PCP4: variants seen among roughly 807,000 people sequenced by gnomAD.
PCP4 encodes calmodulin regulator protein PCP4.
In PCP4, 8 loss-of-function variants were observed where a neutral mutation model predicts 10.0. That is an observed-to-expected ratio of 0.80 (90% confidence interval 0.47 to 1.45). The LOEUF (loss-of-function observed/expected upper bound fraction) is 1.45. Among genes scored for constraint, PCP4 ranks in the 40% most tolerant of loss-of-function variants. The pLI, the probability that PCP4 is intolerant of heterozygous loss-of-function variation, is 0.00. For missense variants in PCP4, 54 were observed against 74.4 expected (o/e 0.73, Z 1.01); for synonymous variants, 21 against 23.0 (o/e 0.91, Z 0.24).
intron 2 of PCP4, among the ~76,000 whole-genome samples, chr21:39,914,501 A>T (rs917272233): frequency 1.3e-5 from 2 of 149,028 alleles, no homozygotes; most frequent in Non-Finnish European, 3.0e-5. Flanking sequence ...GAATCTCTTG[A>T]ACCCAGGAGG....
At chr21:39,922,182 C>A (rs1220728999) in intron 2 of PCP4, among the ~76,000 whole-genome samples, 4 of 152,182 alleles carry the variant, frequency 2.6e-5, no homozygotes, top group Non-Finnish European at 5.9e-5. Flanking sequence ...TTGGGACTGT[C>A]TTCAACTGGT....
At chr21:39,905,124 A>G (rs2244084) in intron 2 of PCP4, among the ~76,000 whole-genome samples, 36,205 of 152,104 alleles carry the variant, frequency 0.24, 5,107 homozygotes, top group African/African-American at 0.39. Context: ...GAGAGATAGC[A>G]AGTGCTGCTG....
rs1467987115 is a variant in PCP4 at position 39,906,440 on chromosome 21, C to A, written c.61+7913C>A. On this transcript the variant is annotated intron_variant, in intron 2 of 2. Coordinates refer to ENST00000328619, the MANE Select transcript of PCP4 (RefSeq NM_006198.3). The surrounding 1 kb of genome is among the most constrained non-coding windows in gnomAD (Gnocchi z 6.3). ...GATCTCAGACTAATAATAGGGACAG[C>A]CATGATAGTTTTCAAAATTAAAACA... 6.6e-6 allele frequency among the ~76,000 whole-genome samples: 1 copy of A among 152,306 alleles called. No individual in the cohort carries two copies. The highest frequency in any genetic ancestry group is 3.4e-3 in the Middle Eastern group (1 of 294).
chr21:39,889,155 C>G (rs941817873), intron 1 of PCP4, among the ~76,000 whole-genome samples: 4 of 152,156 alleles, frequency 2.6e-5, no homozygotes, highest in Non-Finnish European at 5.9e-5. Flanking sequence ...TGAGGATGCT[C>G]TCTTTCTTTC....
At chr21:39,894,356 A>G (rs1161321807) in intron 1 of PCP4, among the ~76,000 whole-genome samples, 1 of 152,242 alleles carries the variant, frequency 6.6e-6, no homozygotes, top group African/African-American at 2.4e-5. Context: ...GATCCCTTGG[A>G]AAACATCAAA....
At chr21:39,920,752 A>G (rs1425173919) in intron 2 of PCP4, among the ~76,000 whole-genome samples, 3 of 152,180 alleles carry the variant, frequency 2.0e-5, no homozygotes, top group Non-Finnish European at 2.9e-5. Context: ...TTAATTTCCT[A>G]GGAATTTATG....
chr21:39,927,545 G>T (rs1245993333), intron 2 of PCP4, among the ~76,000 whole-genome samples: 1 of 140,206 alleles, frequency 7.1e-6, no homozygotes, highest in African/African-American at 2.6e-5. Flanking sequence ...AACTCAGGCT[G>T]CCTGGTGACA....
chr21:39,871,446 T>G (rs913113769), intron 1 of PCP4, among the ~76,000 whole-genome samples: 2 of 152,236 alleles, frequency 1.3e-5, no homozygotes, highest in African/African-American at 4.8e-5. Context: ...GCATAAAATG[T>G]GGGTTTTGCA....
At chr21:39,877,465 T>C (rs532849095) in intron 1 of PCP4, among the ~76,000 whole-genome samples, 53 of 151,766 alleles carry the variant, frequency 3.5e-4, no homozygotes, top group Middle Eastern at 3.4e-3. Context: ...GGTGGGAGGA[T>C]TGGTTAAGCC....
chr21:39,871,287 G>A (rs1411258929), intron 1 of PCP4, among the ~76,000 whole-genome samples: 2 of 152,190 alleles, frequency 1.3e-5, no homozygotes, highest in Admixed American at 6.5e-5. Flanking sequence ...AGGTTAAAAC[G>A]AAACAGATCC....
chr21:39,895,956 G>A (rs903795307), intron 1 of PCP4, among the ~76,000 whole-genome samples: 16 of 152,146 alleles, frequency 1.1e-4, no homozygotes, highest in African/African-American at 3.6e-4. Context: ...TTTCAATAAC[G>A]AGTTCTTTTT....
intron 1 of PCP4, among the ~76,000 whole-genome samples, chr21:39,876,965 T>A (rs2087349271): frequency 6.6e-6 from 1 of 152,190 alleles, no homozygotes. Context: ...ATTCAGGGAA[T>A]CAGAGAAGGG....
At chr21:39,885,852 C>A (rs767569022) in intron 1 of PCP4, among the ~76,000 whole-genome samples, 1 of 152,236 alleles carries the variant, frequency 6.6e-6, no homozygotes, top group Non-Finnish European at 1.5e-5. Context: ...AATTAGTCTG[C>A]GGGCAGCTTA....
intron 2 of PCP4, among the ~76,000 whole-genome samples, chr21:39,928,467 G>A (rs746509617): frequency 2.2e-4 from 33 of 152,150 alleles, no homozygotes; most frequent in Admixed American, 1.2e-3. Flanking sequence ...GAACTGTGAA[G>A]GTCAAATGGT....
chr21:39,880,130 G>GTATCTATATATCTA (rs1378555593), intron 1 of PCP4, among the ~76,000 whole-genome samples: 20 of 141,518 alleles, frequency 1.4e-4, no homozygotes, highest in African/African-American at 4.2e-4. Flanking sequence ...ATCTATATCT[G>GTATCTATATATCTA]TATCTATATC....
In PCP4 at chr21:39,926,136, G is replaced by A. The variant is rs549220809; in HGVS notation, c.62-2848G>A. ...CCTCTAACAGCATCTGACCTTCCCC[G>A]CCGCCCCGGGAACTGGACTCTCTGA... is the stretch of plus-strand genomic sequence containing the variant. On this transcript the variant is annotated intron_variant, in intron 2 of 2. Transcript: ENST00000328619. 5.8e-5 allele frequency: 26 copies of A among 451,438 alleles called. No individual in the cohort carries two copies. In the East Asian group the frequency reaches 1.3e-3, roughly 22 times the overall value. The allele number at this position is 451,438 out of a possible 1,614,324, so 28.0% of individuals were successfully genotyped here.
At chr21:39,920,925 G>A (rs2087593951) in intron 2 of PCP4, among the ~76,000 whole-genome samples, 1 of 152,202 alleles carries the variant, frequency 6.6e-6, no homozygotes, top group African/African-American at 2.4e-5. Context: ...CCTTGGCAGA[G>A]GCCCCACCTG....
At chr21:39,891,406 C>T (rs950088701) in intron 1 of PCP4, among the ~76,000 whole-genome samples, 1 of 152,232 alleles carries the variant, frequency 6.6e-6, no homozygotes, top group Non-Finnish European at 1.5e-5. Flanking sequence ...AGGTGCAAGA[C>T]TTTGCATGGT....
chr21:39,880,188 C>A (rs187102195), intron 1 of PCP4, among the ~76,000 whole-genome samples: 331 of 122,654 alleles, frequency 2.7e-3, no homozygotes, highest in South Asian at 0.014. Flanking sequence ...ATATCTATAT[C>A]TATCTATATC....
Sources: allele counts gnomAD v4.1 joint callset (sites outside exome capture counted in the v4.1 genomes callset), GRCh38; gene constraint gnomAD v4.1.1; non-coding constraint Gnocchi (gnomAD v3.1); transcripts MANE v1.5; gene names NCBI Gene and HGNC (gene_info 2026-07-23, HGNC 2026-07-21).